MALT1: variants seen among roughly 807,000 people sequenced by gnomAD.
MALT1 encodes the protein MALT1 paracaspase.
In MALT1, 36 loss-of-function variants were observed where a neutral mutation model predicts 85.5. The observed-to-expected ratio is 0.42, with a 90% CI of 0.32 to 0.56. The LOEUF (loss-of-function observed/expected upper bound fraction) is 0.56. MALT1 is among the 20% of genes least tolerant of loss of function. The pLI, the probability that MALT1 is intolerant of heterozygous loss-of-function variation, is 0.10. For missense variants in MALT1, 716 were observed against 981.6 expected (o/e 0.73, Z 3.62); for synonymous variants, 359 against 361.3 (o/e 0.99, Z 0.07).
chr18:58,746,288 G>A (rs150449514), intron 16 of MALT1, among the ~76,000 whole-genome samples: 5 of 152,226 alleles, frequency 3.3e-5, no homozygotes, highest in East Asian at 1.9e-4. Context: ...CAAAGCACTC[G>A]GAGTACAGGT....
chr18:58,723,011 ATCT>A (rs1217358770), intron 9 of MALT1, 34 bp from the exon 10 acceptor site: 2 of 1,482,598 alleles, frequency 1.3e-6, no homozygotes, highest in South Asian at 2.3e-5. Context: ...TAATCTTTAT[ATCT>A]TCTTTAAACA....
chr18:58,719,471 T>A (rs1235127504), intron 9 of MALT1, among the ~76,000 whole-genome samples: 1 of 152,110 alleles, frequency 6.6e-6, no homozygotes, highest in African/African-American at 2.4e-5. Context: ...CCTCCCTGAG[T>A]GGTCTCTCCA....
rs58014827 is a variant in MALT1, at chr18:58,735,065, AC to A, written c.1476-128del. The A allele has an allele frequency of 0.01, 6,746 of 673,194 alleles. 301 individuals carry two copies. In the African/African-American group the frequency reaches 0.1, roughly 10 times the overall value. 41.7% of individuals were successfully genotyped at this position (673,194 alleles called of 1,614,324 possible). A position where few individuals can be genotyped will look rare whatever the true frequency, so the allele number is the denominator to read the frequency against. On this transcript the variant is annotated intron_variant, in intron 12 of 16. Transcript: ENST00000649217. The stretch of plus-strand genomic sequence containing the variant: ...GACTAACAGTCCCCACGCTGTCCCC[AC>A]CCCCCCCCAGCCTCTGGTAACCACC...
chr18:58,732,457 T>C (rs1306698189), intron 10 of MALT1, among the ~76,000 whole-genome samples: 2 of 152,194 alleles, frequency 1.3e-5, no homozygotes, highest in African/African-American at 2.4e-5. Context: ...AGATGGAAGA[T>C]TGATATTTAT....
intron 2 of MALT1, among the ~76,000 whole-genome samples, chr18:58,692,407 CCTCTCTCTCTCTCT>C (rs35054606): frequency 3.8e-5 from 5 of 130,360 alleles, no homozygotes; most frequent in African/African-American, 1.2e-4. Context: ...ACTGGCCATT[CCTCTCTCTCTCTCT>C]CTCTCTCTCT....
At chr18:58,733,226 T>A (rs1290997140) in intron 10 of MALT1, among the ~76,000 whole-genome samples, 171 bp from the exon 11 acceptor site, 1 of 152,222 alleles carries the variant, frequency 6.6e-6, no homozygotes, top group Non-Finnish European at 1.5e-5. Flanking sequence ...CCAATAATTT[T>A]AAATGCAAAA....
intron 2 of MALT1, among the ~76,000 whole-genome samples, chr18:58,691,882 AAAC>A (rs1568128892): frequency 2.0e-5 from 3 of 150,844 alleles, no homozygotes; most frequent in Admixed American, 1.3e-4. Context: ...CAAAAAAAAA[AAAC>A]AACAAAAAAT....
At chr18:58,675,511 A>C (rs1304822657) in intron 1 of MALT1, 2 of 152,252 alleles carry the variant, frequency 1.3e-5, no homozygotes, top group African/African-American at 4.8e-5. Flanking sequence ...GCTACTCTGC[A>C]GGCTGAGGTG....
At position 58,671,591 on chromosome 18, in the gene MALT1, C is replaced by G. The variant is rs1052638397; in HGVS notation, c.-53C>G. ...AGCGGAAGGTGCCCCGGGGCCGAGG[C>G]CCGTGACGGGGCGGGCGGGAGCCCC... On this transcript the variant is annotated 5_prime_UTR_variant, in exon 1 of 17. Coordinates refer to ENST00000649217, the MANE Select transcript of MALT1 (RefSeq NM_006785.4). 3.5e-6 allele frequency: 4 copies of G among 1,148,450 alleles called. No homozygotes were observed. The highest frequency in any genetic ancestry group is 1.6e-5 in the African/African-American group (1 of 62,174). The allele number at this position is 1,148,450 out of a possible 1,614,324, so 71.1% of individuals were successfully genotyped here.
At chr18:58,692,462 C>A (rs1174647566) in intron 2 of MALT1, among the ~76,000 whole-genome samples, 1 of 123,718 alleles carries the variant, frequency 8.1e-6, no homozygotes, top group Non-Finnish European at 1.7e-5. Flanking sequence ...CCCTCCCTCC[C>A]TCCCTGTCCC....
At chr18:58,695,649 T>C (rs955919136) in intron 2 of MALT1, among the ~76,000 whole-genome samples, 2 of 152,254 alleles carry the variant, frequency 1.3e-5, no homozygotes, top group Non-Finnish European at 2.9e-5. Flanking sequence ...AACAGACATT[T>C]ATTTCTCACA....
At chr18:58,707,775 TA>T (rs1223963342) in intron 4 of MALT1, among the ~76,000 whole-genome samples, 15 of 152,186 alleles carry the variant, frequency 9.9e-5, no homozygotes, top group African/African-American at 3.4e-4. Context: ...GCTACTAGAA[TA>T]GGGGTATGAG....
At chr18:58,732,924 A>AT (rs1389786233) in intron 10 of MALT1, among the ~76,000 whole-genome samples, 2 of 151,612 alleles carry the variant, frequency 1.3e-5, no homozygotes, top group Non-Finnish European at 2.9e-5. Flanking sequence ...TTATTTATTT[A>AT]TTTTGAGACA....
chr18:58,675,255 A>G (rs2054223335), intron 1 of MALT1: 1 of 152,196 alleles, frequency 6.6e-6, no homozygotes. Flanking sequence ...AATTCTGTTA[A>G]GTAGGGAGCT....
chr18:58,741,980 T>G lies in MALT1; in HGVS notation c.1719T>G (p.Ser573=). The change falls in exon 14 of 17, where the codon TCT becomes TCG. Residue 573 remains serine (S), a synonymous_variant. Transcript: ENST00000649217. The part of the protein sequence containing the change: ...PIQGTEYSAE[S]LVRNLQWAKA... Reference sequence around the variant, plus strand: ...AGGGAACAGAATATTCTGCTGAATCTCTTGTGCGGAATCTACAGTGGGCCA... The same window carrying G: ...AGGGAACAGAATATTCTGCTGAATCGCTTGTGCGGAATCTACAGTGGGCCA... 1 of 1,547,768 alleles carries G rather than the reference T, an allele frequency of 6.5e-7. No individual in the cohort carries two copies.
chr18:58,676,109 A>G (rs1428056503), intron 1 of MALT1, among the ~76,000 whole-genome samples: 2 of 152,198 alleles, frequency 1.3e-5, no homozygotes, highest in Non-Finnish European at 2.9e-5. Flanking sequence ...TCTCAACTAG[A>G]TTATTCCAGT....
intron 16 of MALT1, among the ~76,000 whole-genome samples, chr18:58,746,042 A>T (rs1222249458): frequency 1.3e-5 from 2 of 152,076 alleles, no homozygotes; most frequent in Non-Finnish European, 2.9e-5. Flanking sequence ...TTAGAGACAG[A>T]GTCTTAACTC....
At chr18:58,688,073 T>A (rs1407617910) in intron 2 of MALT1, among the ~76,000 whole-genome samples, 1 of 152,220 alleles carries the variant, frequency 6.6e-6, no homozygotes, top group Non-Finnish European at 1.5e-5. Context: ...TATTCTTTTT[T>A]TACCTTTGTT....
chr18:58,696,337 A>ATTTTTTTT (rs574285957), intron 2 of MALT1, 29 bp from the exon 3 acceptor site: 13 of 991,070 alleles, frequency 1.3e-5, no homozygotes, highest in African/African-American at 2.2e-5. Context: ...TGTGACTTTA[A>ATTTTTTTT]TTTTTTTTTT....
Sources: allele counts gnomAD v4.1 joint callset (sites outside exome capture counted in the v4.1 genomes callset), GRCh38; gene constraint gnomAD v4.1.1; transcripts MANE v1.5; gene names NCBI Gene and HGNC (gene_info 2026-07-23, HGNC 2026-07-21).